AJAP1: variants seen among roughly 807,000 people sequenced by gnomAD.
AJAP1 encodes adherens junctions associated protein 1.
A neutral mutation model predicts 35.0 loss-of-function variants in AJAP1; 5 were observed. The ratio of observed to expected loss-of-function variants is 0.14; its 90% confidence interval spans 0.07 to 0.30. AJAP1 has a LOEUF of 0.30. AJAP1 is among the 10% of genes least tolerant of loss of function. AJAP1 has a pLI of 1.00. For missense variants in AJAP1, 586 were observed against 571.0 expected (o/e 1.03, Z -0.27); for synonymous variants, 284 against 249.3 (o/e 1.14, Z -1.31).
chr1:4,772,825 C>T (rs897145552), intron 4 of AJAP1, among the ~76,000 whole-genome samples: 2 of 152,210 alleles, frequency 1.3e-5, no homozygotes, highest in African/African-American at 2.4e-5. Flanking sequence ...CGTCATCCTT[C>T]GTGCCCCAGA....
At chr1:4,732,125 G>T (rs907095491) in intron 2 of AJAP1, among the ~76,000 whole-genome samples, 9 of 152,222 alleles carry the variant, frequency 5.9e-5, no homozygotes, top group Non-Finnish European at 7.3e-5. Flanking sequence ...GTCTCTGAAT[G>T]TTCATACAGG....
chr1:4,756,534 G>A (rs1345957454), intron 2 of AJAP1, among the ~76,000 whole-genome samples: 2 of 152,212 alleles, frequency 1.3e-5, no homozygotes, highest in Non-Finnish European at 2.9e-5. Context: ...AGGGTCTAGG[G>A]CAGAACAGAG....
intron 2 of AJAP1, among the ~76,000 whole-genome samples, chr1:4,713,008 G>A (rs968119347): frequency 9.9e-5 from 15 of 152,230 alleles, no homozygotes; most frequent in African/African-American, 3.6e-4. Context: ...ACAGACCGGT[G>A]GAATCCACCA....
chr1:4,773,278 C>G (rs1641879001), intron 4 of AJAP1, among the ~76,000 whole-genome samples: 1 of 152,166 alleles, frequency 6.6e-6, no homozygotes, highest in African/African-American at 2.4e-5. Context: ...CCCAGGCCCC[C>G]AGAAAGGGCT....
At chr1:4,747,344 A>C (rs1302755802) in intron 2 of AJAP1, among the ~76,000 whole-genome samples, 1 of 151,186 alleles carries the variant, frequency 6.6e-6, no homozygotes, top group East Asian at 1.9e-4. Flanking sequence ...TCTCCACCTC[A>C]CCCGGCCTCT....
chr1:4,751,323 A>G (rs449154), intron 2 of AJAP1, among the ~76,000 whole-genome samples: 15,864 of 152,232 alleles, frequency 0.1, 999 homozygotes, highest in Non-Finnish European at 0.13. Flanking sequence ...AATTCCGCTC[A>G]GTTCCAGAAT....
intron 2 of AJAP1, among the ~76,000 whole-genome samples, chr1:4,733,476 G>T (rs1479065522): frequency 1.4e-5 from 2 of 139,104 alleles, no homozygotes; most frequent in South Asian, 2.5e-4. Flanking sequence ...GTGTGCCCAG[G>T]GCTGTGCTGG....
At chr1:4,660,355 A>G (rs998394724) in intron 1 of AJAP1, among the ~76,000 whole-genome samples, 55 of 152,292 alleles carry the variant, frequency 3.6e-4, no homozygotes, top group African/African-American at 1.2e-3. Flanking sequence ...TGTGGTTACA[A>G]AAGGGCAACA....
In AJAP1 at chr1:4,789,785, G is replaced by A. The variant is rs927211616; in HGVS notation, c.*7300G>A. ...AGAACACTACGCAGTCGTAAGCTCT[G>A]TTTTTTGTTTTGTTTTGTTTTGTTT... On this transcript the variant is annotated 3_prime_UTR_variant, in exon 6 of 6. Coordinates refer to ENST00000378191, the MANE Select transcript of AJAP1 (RefSeq NM_018836.4). The surrounding 1 kb of genome is among the most constrained non-coding windows in gnomAD (Gnocchi z 4.4). 1.3e-5 allele frequency: 2 copies of A among 152,076 alleles called. No individual in the cohort carries two copies. Among genetic ancestry groups the A allele is most frequent in the Admixed American group, 6.6e-5 (1 of 15,256 alleles). 9.4% of individuals were successfully genotyped at this position (152,076 alleles called of 1,614,324 possible).
intron 2 of AJAP1, among the ~76,000 whole-genome samples, chr1:4,746,052 A>T (rs1193160152): frequency 6.6e-6 from 1 of 152,168 alleles, no homozygotes; most frequent in African/African-American, 2.4e-5. Context: ...AACAACAGCA[A>T]TTTATTCTTC....
intron 1 of AJAP1, among the ~76,000 whole-genome samples, chr1:4,705,395 CTTTTTTTTTTTTTTT>C (rs58022692): frequency 7.1e-4 from 17 of 23,806 alleles, no homozygotes; most frequent in South Asian, 2.4e-3. Context: ...TTTTGAAGAG[CTTTTTTTTTTTTTTT>C]TTTTTTTTTT....
chr1:4,740,654 C>T (rs1384695104), intron 2 of AJAP1, among the ~76,000 whole-genome samples: 7 of 151,392 alleles, frequency 4.6e-5, no homozygotes, highest in African/African-American at 7.3e-5. Context: ...GGTGTGGTGG[C>T]GGGCGCCTGT....
chr1:4,708,908 A>C (rs1038028988), intron 1 of AJAP1, among the ~76,000 whole-genome samples: 4 of 152,152 alleles, frequency 2.6e-5, no homozygotes, highest in Non-Finnish European at 2.9e-5. Flanking sequence ...TGAACAAATC[A>C]ATCACTTTAA....
chr1:4,676,634 T>G (rs1373262671), intron 1 of AJAP1, among the ~76,000 whole-genome samples: 1 of 151,606 alleles, frequency 6.6e-6, no homozygotes, highest in African/African-American at 2.4e-5. Flanking sequence ...GGGACGGGAG[T>G]GAGGGAGACT....
At position 4,671,097 on chromosome 1, in the gene AJAP1, G is replaced by A. The variant is rs1007008951; in HGVS notation, c.29+15643G>A. 3.3e-4 allele frequency among the ~76,000 whole-genome samples: 51 copies of A among 152,332 alleles called. 1 individual carries two copies. The highest frequency in any genetic ancestry group is 1.2e-3 in the African/African-American group (50 of 41,574). ...AGAGTCTGCATCACAGGCCAGGCAC[G>A]GTAGCTCATGCCTGCAGTCCCAGCT... On this transcript the variant is annotated intron_variant, in intron 1 of 5. Transcript: ENST00000378191.
chr1:4,670,131 A>G (rs1185642227), intron 1 of AJAP1, among the ~76,000 whole-genome samples: 1 of 152,154 alleles, frequency 6.6e-6, no homozygotes, highest in East Asian at 1.9e-4. Flanking sequence ...GCTGCCCAGC[A>G]ACAGAGCCAA....
At chr1:4,739,747 A>G (rs1483668320) in intron 2 of AJAP1, among the ~76,000 whole-genome samples, 1 of 151,760 alleles carries the variant, frequency 6.6e-6, no homozygotes, top group East Asian at 1.9e-4. Flanking sequence ...TTTCTTTTGT[A>G]CTTGTGATTT....
chr1:4,758,153 G>A (rs539086623), intron 2 of AJAP1, among the ~76,000 whole-genome samples: 1 of 152,272 alleles, frequency 6.6e-6, no homozygotes, highest in South Asian at 2.1e-4. Flanking sequence ...GTAACTGTGA[G>A]TCAGTTAGAC....
chr1:4,735,495 G>C (rs970585162), intron 2 of AJAP1, among the ~76,000 whole-genome samples: 1 of 152,304 alleles, frequency 6.6e-6, no homozygotes, highest in African/African-American at 2.4e-5. Flanking sequence ...CCACTGCACC[G>C]GGTGGGCAGC....
Sources: allele counts gnomAD v4.1 joint callset (sites outside exome capture counted in the v4.1 genomes callset), GRCh38; gene constraint gnomAD v4.1.1; non-coding constraint Gnocchi (gnomAD v3.1); transcripts MANE v1.5; gene names NCBI Gene and HGNC (gene_info 2026-07-23, HGNC 2026-07-21).